The following MAVS variants were observed in gnomAD, a reference collection of about 807,000 sequenced individuals.
The protein encoded by MAVS is mitochondrial antiviral-signaling protein.
Under a neutral mutation model 30.2 loss-of-function variants are expected in MAVS, and 20 were observed. The ratio of observed to expected loss-of-function variants is 0.66; its 90% CI spans 0.47 to 0.96. The LOEUF (loss-of-function observed/expected upper bound fraction) is 0.96. Among genes scored for constraint, MAVS ranks in the 40% least tolerant of loss-of-function variants. The pLI, the probability that MAVS is intolerant of heterozygous loss-of-function variation, is 0.00. For missense variants in MAVS, 624 were observed against 701.1 expected, an observed-to-expected ratio of 0.89 and a Z score of 1.24; for synonymous variants, 278 against 293.9, an observed-to-expected ratio of 0.95 and a Z score of 0.55.
In MAVS at chr20:3,870,717, A is replaced by G. The variant is rs2089948518; in HGVS notation, c.*4570A>G. 6.7e-6 allele frequency: 1 copy of G among 148,252 alleles called. No individual in the cohort carries two copies. Among genetic ancestry groups the G allele is most frequent in the Admixed American group, 6.9e-5 (1 of 14,590 alleles). 9.2% of individuals were successfully genotyped at this position (148,252 alleles called of 1,614,324 possible). ...TTACCCTGCCTGGCCTCAAACTATT[A>G]ATAGCTTCCTTTGAGCAACATTATT... On this transcript the variant is annotated 3_prime_UTR_variant, in exon 7 of 7. Transcript: ENST00000428216.
Position 3,869,311 on chromosome 20 carries a change from T to G in MAVS, c.*3164T>G, listed in dbSNP as rs1032917173. On this transcript the variant is annotated 3_prime_UTR_variant, in exon 7 of 7. Transcript: ENST00000428216. ...CCTCAGCCTCCAGAGTAGCTGGGAC[T>G]ACAGGCGCCTGCCACCACGCCTGGC... The G allele has an allele frequency of 6.6e-5, 10 of 152,094 alleles. No homozygotes were observed. The highest frequency in any genetic ancestry group is 2.2e-4 in the African/African-American group (9 of 41,366). The allele number at this position is 152,094 out of a possible 1,614,324, so 9.4% of individuals were successfully genotyped here.
intron 3 of MAVS, among the ~76,000 whole-genome samples, chr20:3,860,364 A>C (rs1026727370): frequency 7.1e-5 from 10 of 141,022 alleles, no homozygotes; most frequent in Non-Finnish European, 7.6e-5. Context: ...ATAGTCCCTG[A>C]TTCCTTCTAT....
chr20:3,862,325 GTCC>G lies in MAVS; in HGVS notation c.543_545del (p.Ser182del), dbSNP rs1240962934. On this transcript the variant is annotated inframe_deletion, in exon 5 of 7. Coordinates refer to ENST00000428216, the MANE Select transcript of MAVS (RefSeq NM_020746.5). ...GGAATCCAGATGGTGGCCCCCTGGA[GTCC>G]TCCTCTGACCTGGCAGCCCTCAGCC... is the stretch of plus-strand genomic sequence containing the variant. 1.2e-6 allele frequency: 2 copies of G among 1,613,974 alleles called. No homozygotes were observed. Among genetic ancestry groups the G allele is most frequent in the African/African-American group, 1.3e-5 (1 of 74,938 alleles).
chr20:3,860,835 C>T (rs1266094000), intron 3 of MAVS, among the ~76,000 whole-genome samples: 1 of 151,758 alleles, frequency 6.6e-6, no homozygotes, highest in African/African-American at 2.4e-5. Flanking sequence ...TGCCAGCACG[C>T]CTGGCTAATT....
At chr20:3,849,374 T>C (rs1283471836) in intron 1 of MAVS, among the ~76,000 whole-genome samples, 1 of 152,040 alleles carries the variant, frequency 6.6e-6, no homozygotes, top group Non-Finnish European at 1.5e-5. Flanking sequence ...CATGCTAATT[T>C]TTGTATTTTT....
intron 1 of MAVS, among the ~76,000 whole-genome samples, chr20:3,852,010 C>CTTTTTTTTTTTTTT (rs1568531967): frequency 2.5e-5 from 1 of 39,408 alleles, no homozygotes; most frequent in African/African-American, 1.3e-4. Context: ...TTTTTTTTCC[C>CTTTTTTTTTTTTTT]CCGAGACGGA....
At position 3,864,515 on chromosome 20, in the gene MAVS, C is replaced by T. The variant is rs1168960015; in HGVS notation, c.885C>T (p.Pro295=). 2 of 1,614,140 alleles carry T rather than the reference C, an allele frequency of 1.2e-6. No individual in the cohort carries two copies. The highest frequency in any genetic ancestry group is 1.7e-5 in the Admixed American group (1 of 60,032). ...CAGAGGCACCTGCCAACTCTCTGCC[C>T]TCCAAAGTGCCTACCACCTTGATGC... is the stretch of plus-strand genomic sequence containing the variant. The part of the protein sequence containing the change: ...SGAEAPANSL[P]SKVPTTLMPV... The change falls in exon 6 of 7, where the codon CCC becomes CCT. Residue 295 remains proline (P), a synonymous_variant. Coordinates refer to ENST00000428216, the MANE Select transcript of MAVS (RefSeq NM_020746.5).
chr20:3,867,998 C>A lies in MAVS; in HGVS notation c.*1851C>A, dbSNP rs745504832. On this transcript the variant is annotated 3_prime_UTR_variant, in exon 7 of 7. Transcript: ENST00000428216. The stretch of plus-strand genomic sequence containing the variant: ...GGGGCTGGGCTCACTGTGGCCCCAC[C>A]CCAAGCCGTCAGCCTCCAGGGATCT... 6 of 128,710 alleles carry A rather than the reference C, an allele frequency of 4.7e-5. No homozygotes were observed. Among genetic ancestry groups the A allele is most frequent in the Non-Finnish European group, 8.6e-5 (5 of 58,194 alleles). 8.0% of individuals were successfully genotyped at this position (128,710 alleles called of 1,614,324 possible).
In MAVS at chr20:3,875,475, TA is replaced by T. The variant is rs5840016; in HGVS notation, c.*9342del. The T allele has an allele frequency of 2.5e-4, 37 of 145,708 alleles. No homozygotes were observed. Among genetic ancestry groups the T allele is most frequent in the East Asian group, 3.9e-4 (2 of 5,084 alleles). 9.0% of individuals were successfully genotyped at this position (145,708 alleles called of 1,614,324 possible). A position where few individuals can be genotyped will look rare whatever the true frequency, so the allele number is the denominator to read the frequency against. On this transcript the variant is annotated 3_prime_UTR_variant, in exon 7 of 7. Transcript: ENST00000428216. ...CTACTTCTTCAGTGCTGTTTTTATTTAAAAAAAAAAAAAACCAGCCAAAACC... is the reference window on the plus strand; with the variant it reads ...CTACTTCTTCAGTGCTGTTTTTATTTAAAAAAAAAAAAACCAGCCAAAACC...
intron 1 of MAVS, among the ~76,000 whole-genome samples, chr20:3,852,844 T>A (rs2089772889): frequency 6.8e-6 from 1 of 146,134 alleles, no homozygotes; most frequent in Admixed American, 6.9e-5. Flanking sequence ...ATTTTTTTTT[T>A]TTTTTTTTTT....
rs2089935655 is a variant in MAVS at position 3,869,343 on chromosome 20, T to G, written c.*3196T>G. 6.6e-6 allele frequency: 1 copy of G among 151,696 alleles called. No individual in the cohort carries two copies. The highest frequency in any genetic ancestry group is 1.5e-5 in the Non-Finnish European group (1 of 67,974). The allele number at this position is 151,696 out of a possible 1,614,324, so 9.4% of individuals were successfully genotyped here. A position where few individuals can be genotyped will look rare whatever the true frequency, so the allele number is the denominator to read the frequency against. ...GCCTGCCACCACGCCTGGCTAATTTTTTTGCACTTTTAGTAGAGACGGGGT... is the reference window on the plus strand; with the variant it reads ...GCCTGCCACCACGCCTGGCTAATTTGTTTGCACTTTTAGTAGAGACGGGGT... On this transcript the variant is annotated 3_prime_UTR_variant, in exon 7 of 7. Transcript: ENST00000428216.
rs1467684602 is a variant in MAVS, at chr20:3,874,077, G to A, written c.*7930G>A. ...TGAAGTCACAGGGTCGAATACTACT[G>A]CACAGCAACGAATATGAATGAAAAT... On this transcript the variant is annotated 3_prime_UTR_variant, in exon 7 of 7. Transcript: ENST00000428216. 93 of 398,458 alleles carry A rather than the reference G, an allele frequency of 2.3e-4. 1 individual carries two copies. Among genetic ancestry groups the A allele is most frequent in the Non-Finnish European group, 3.1e-5 (7 of 226,082 alleles). 24.7% of individuals were successfully genotyped at this position (398,458 alleles called of 1,614,324 possible).
intron 3 of MAVS, among the ~76,000 whole-genome samples, chr20:3,859,678 G>A (rs574670083): frequency 4.1e-4 from 63 of 152,032 alleles, no homozygotes; most frequent in African/African-American, 1.3e-3. Context: ...GATGCCTGGG[G>A]ACAGAGAAGA....
At chr20:3,850,337 C>A (rs796616486) in intron 1 of MAVS, among the ~76,000 whole-genome samples, 10 of 151,128 alleles carry the variant, frequency 6.6e-5, no homozygotes, top group Admixed American at 2.0e-4. Flanking sequence ...TGGCTCACGC[C>A]TGTAAATCTC....
chr20:3,864,840 C>T (rs777801805), intron 6 of MAVS, 52 bp downstream of exon 6: 8 of 1,582,252 alleles, frequency 5.1e-6, no homozygotes, highest in South Asian at 2.3e-5. Context: ...CCCGGGACAG[C>T]TTGCCCACCT....
Position 3,872,130 on chromosome 20 carries a change from T to C in MAVS, c.*5983T>C, listed in dbSNP as rs1206863792. On this transcript the variant is annotated 3_prime_UTR_variant, in exon 7 of 7. Coordinates refer to ENST00000428216, the MANE Select transcript of MAVS (RefSeq NM_020746.5). Reference sequence around the variant, plus strand: ...ACCACAGCTTATCACATGTCTGGAGTTAGGGACCCCACTTAAAGTGAGATT... The same window carrying C: ...ACCACAGCTTATCACATGTCTGGAGCTAGGGACCCCACTTAAAGTGAGATT... The C allele has an allele frequency of 6.6e-6, 1 of 151,968 alleles. No homozygotes were observed. Among genetic ancestry groups the C allele is most frequent in the Non-Finnish European group, 1.5e-5 (1 of 67,968 alleles). The allele number at this position is 151,968 out of a possible 1,614,324, so 9.4% of individuals were successfully genotyped here.
chr20:3,858,327 C>A (rs1319226558), intron 3 of MAVS, among the ~76,000 whole-genome samples: 1 of 152,096 alleles, frequency 6.6e-6, no homozygotes, highest in Non-Finnish European at 1.5e-5. Flanking sequence ...AGTGTCCCTG[C>A]CACTCTGAGT....
chr20:3,873,039 A>C lies in MAVS; in HGVS notation c.*6892A>C, dbSNP rs1211267696. On this transcript the variant is annotated 3_prime_UTR_variant, in exon 7 of 7. Transcript: ENST00000428216. ...GATCAGTTATGTACTGTTTATAATA[A>C]GTAAATCAGCAGAGGGGGAATAATA... 6.6e-6 allele frequency: 1 copy of C among 152,332 alleles called. No individual in the cohort carries two copies. The highest frequency in any genetic ancestry group is 1.5e-5 in the Non-Finnish European group (1 of 68,046). The allele number at this position is 152,332 out of a possible 1,614,324, so 9.4% of individuals were successfully genotyped here.
chr20:3,854,522 C>A (rs1318714058), intron 1 of MAVS, 36 bp from the exon 2 acceptor site: 3 of 712,384 alleles, frequency 4.2e-6, no homozygotes, highest in South Asian at 2.0e-5. Flanking sequence ...CCCAACCCCC[C>A]AACCCTGTTG....
Sources: allele counts gnomAD v4.1 joint callset (sites outside exome capture counted in the v4.1 genomes callset), GRCh38; gene constraint gnomAD v4.1.1; transcripts MANE v1.5; gene names NCBI Gene and HGNC (gene_info 2026-07-23, HGNC 2026-07-21).